PDZD7: variants seen among roughly 807,000 people sequenced by gnomAD.
The protein encoded by PDZD7 is PDZ domain-containing protein 7.
Under a neutral mutation model 84.7 loss-of-function variants are expected in PDZD7, and 72 were observed. That is an observed-to-expected ratio of 0.85 (90% confidence interval 0.70 to 1.03). The LOEUF (loss-of-function observed/expected upper bound fraction) is 1.03, where lower values mean the gene tolerates loss of function less well. Ranked by LOEUF, PDZD7 falls within the 50% of genes least tolerant of loss-of-function variation. The pLI, the probability that PDZD7 is intolerant of heterozygous loss-of-function variation, is 0.00. For missense variants in PDZD7, 1,490 were observed against 1,412.9 expected (o/e 1.05, Z -0.87); for synonymous variants, 594 against 580.7 (o/e 1.02, Z -0.33).
At chr10:101,015,341 C>G (rs1852567446) in intron 11 of PDZD7, among the ~76,000 whole-genome samples, 1 of 152,198 alleles carries the variant, frequency 6.6e-6, no homozygotes, top group South Asian at 2.1e-4. Context: ...CAGCCCACAC[C>G]ATCTAATGTG....
Position 101,019,118 on chromosome 10 carries a change from G to A in PDZD7, c.1028C>T (p.Pro343Leu), listed in dbSNP as rs963223923. 4 of 1,551,520 alleles carry A rather than the reference G, an allele frequency of 2.6e-6. No homozygotes were observed. In the South Asian group the frequency reaches 3.5e-5, roughly 14 times the overall value. Residue 343 changes from proline to leucine, a missense_variant, in exon 8 of 17, where the codon CCG becomes CTG. Physicochemically the swap from Pro to Leu is moderately conservative, Grantham distance 98. Coordinates refer to ENST00000619208, the MANE Select transcript of PDZD7 (RefSeq NM_001195263.2). ...GAGGCAGATGTCCATGCGGTCCGAC[G>A]GCAGGGAGCCCGAGCTGTAGGGGGC... ...SSAPYSSGSLPSDRMDICLGQ... is the reference protein window; with the variant it reads ...SSAPYSSGSLLSDRMDICLGQ...
intron 10 of PDZD7, among the ~76,000 whole-genome samples, chr10:101,016,102 C>T (rs1308641551): frequency 1.3e-5 from 2 of 152,184 alleles, no homozygotes; most frequent in African/African-American, 4.8e-5. Flanking sequence ...AGTGGAGGCC[C>T]AGCACAGGCT....
chr10:101,019,568 C>T (rs1397333375), intron 7 of PDZD7, among the ~76,000 whole-genome samples: 2 of 137,966 alleles, frequency 1.4e-5, no homozygotes, highest in African/African-American at 6.1e-5. Flanking sequence ...CCTCCTCCTC[C>T]TCCTCCTCCT....
At position 101,008,180 on chromosome 10, in the gene PDZD7, C is replaced by G; in HGVS notation, c.*287G>C. On this transcript the variant is annotated 3_prime_UTR_variant, in exon 17 of 17. Transcript: ENST00000619208. ...CATGTGAGAAAGTGCCCACCAATCC[C>G]AAGCTCCAGACCTTGGCTTTCTCAC... 1 of 471,404 alleles carries G rather than the reference C, an allele frequency of 2.1e-6. No homozygotes were observed. Among genetic ancestry groups the G allele is most frequent in the Non-Finnish European group, 3.7e-6 (1 of 267,668 alleles). The allele number at this position is 471,404 out of a possible 1,614,324, so 29.2% of individuals were successfully genotyped here.
intron 9 of PDZD7, chr10:101,017,887 GAAAGAAAA>G (rs1564632596): frequency 1.7e-4 from 34 of 201,800 alleles, no homozygotes; most frequent in South Asian, 4.2e-4. Flanking sequence ...AAGAAAGAAA[GAAAGAAAA>G]GAAAGAAAGA....
rs1852285178 is a variant in PDZD7, at chr10:101,008,330, A to C, written c.*137T>G. On this transcript the variant is annotated 3_prime_UTR_variant, in exon 17 of 17. Coordinates refer to ENST00000619208, the MANE Select transcript of PDZD7 (RefSeq NM_001195263.2). ...CAGCTGAGGAGGGAAGAAAGTGGAA[A>C]GATGTGAGCCACCAGTGTGGCACTG... 6.7e-6 allele frequency: 6 copies of C among 896,976 alleles called. No individual in the cohort carries two copies. In the South Asian group the frequency reaches 1.1e-4, roughly 16 times the overall value. The allele number at this position is 896,976 out of a possible 1,614,324, so 55.6% of individuals were successfully genotyped here.
chr10:101,018,950 G>A lies in PDZD7; in HGVS notation c.1196C>T (p.Ser399Leu). 2 of 1,599,688 alleles carry A rather than the reference G, an allele frequency of 1.3e-6. No individual in the cohort carries two copies. Among genetic ancestry groups the A allele is most frequent in the Non-Finnish European group, 1.7e-6 (2 of 1,173,990 alleles). Residue 399 changes from serine (S) to leucine (L), a missense_variant, in exon 8 of 17, where the codon TCG (serine) becomes TTG (leucine). Coordinates refer to ENST00000619208, the MANE Select transcript of PDZD7 (RefSeq NM_001195263.2). ...GCGGCGGCCGGGATGGGGGCCGTCC[G>A]AGCGGATGGCGGTGTCCCTGAGGAT... Reference protein sequence around the residue: ...TVILRDTAIRSDGPHPGRRLD... With the variant: ...TVILRDTAIRLDGPHPGRRLD...
chr10:101,028,621 G>T (rs933326835), intron 2 of PDZD7, among the ~76,000 whole-genome samples: 1 of 150,858 alleles, frequency 6.6e-6, no homozygotes, highest in Non-Finnish European at 1.5e-5. Context: ...AAAAAAAGAC[G>T]TTATAAACAG....
At chr10:101,024,115 C>G (rs1169850884) in intron 2 of PDZD7, 47 bp from the exon 3 acceptor site, 4 of 1,613,848 alleles carry the variant, frequency 2.5e-6, no homozygotes, top group African/African-American at 1.3e-5. Context: ...ATTGTGGGCA[C>G]AGAGGGCCCC....
At chr10:101,019,329 G>A (rs1374778686) in intron 7 of PDZD7, 112 bp from the exon 8 acceptor site, 1 of 1,365,136 alleles carries the variant, frequency 7.3e-7, no homozygotes, top group Non-Finnish European at 9.9e-7. Flanking sequence ...CAGCAGCCAG[G>A]GTTAGAACCG....
In PDZD7 at chr10:101,019,027, CTCCG is replaced by C; in HGVS notation, c.1115_1118del (p.Thr372SerfsTer66). Reference sequence around the variant, plus strand: ...TCTCCACCCGGCCTCCCGCATCGGGCTCCGTCTGCATGGCTGTGTCCGCCCGCCC... The same window carrying C: ...TCTCCACCCGGCCTCCCGCATCGGGCTCTGCATGGCTGTGTCCGCCCGCCC... On this transcript the variant is annotated frameshift_variant, in exon 8 of 17. Transcript: ENST00000619208. LOFTEE classifies it high-confidence loss of function. The C allele has an allele frequency of 6.4e-7, 1 of 1,573,572 alleles. No individual in the cohort carries two copies. The highest frequency in any genetic ancestry group is 1.3e-5 in the African/African-American group (1 of 74,470).
chr10:101,015,813 TG>T lies in PDZD7; in HGVS notation c.1574-3del. 6.5e-7 allele frequency: 1 copy of T among 1,546,978 alleles called. No individual in the cohort carries two copies. The highest frequency in any genetic ancestry group is 2.4e-5 in the East Asian group (1 of 40,866). On this transcript the variant is annotated splice_polypyrimidine_tract_variant and splice_region_variant and intron_variant, in intron 10 of 16. Coordinates refer to ENST00000619208, the MANE Select transcript of PDZD7 (RefSeq NM_001195263.2). Reference sequence around the variant, plus strand: ...GCAGGGCCCGGCCCCTCTCCTGGTCTGCAGGGCAGGAACCATCAGGGGAGGG... The same window carrying T: ...GCAGGGCCCGGCCCCTCTCCTGGTCTCAGGGCAGGAACCATCAGGGGAGGG...
At chr10:101,017,487 G>T (rs1376240428) in intron 9 of PDZD7, 5 of 608,340 alleles carry the variant, frequency 8.2e-6, no homozygotes, top group Non-Finnish European at 1.5e-5. Context: ...TCAGCTTCCA[G>T]AGTAGTTGGG....
At position 101,010,658 on chromosome 10, in the gene PDZD7, C is replaced by A; in HGVS notation, c.2231G>T (p.Arg744Leu). The A allele has an allele frequency of 7.0e-7, 1 of 1,428,358 alleles. No homozygotes were observed. Among genetic ancestry groups the A allele is most frequent in the Non-Finnish European group, 9.1e-7 (1 of 1,093,532 alleles). 88.5% of individuals were successfully genotyped at this position (1,428,358 alleles called of 1,614,324 possible). The change falls in exon 15 of 17, where the codon CGG (arginine) becomes CTG (leucine). Residue 744 changes from arginine (R) to leucine (L), a missense_variant. Arg to Leu is a moderately radical substitution (Grantham distance 102). Coordinates refer to ENST00000619208, the MANE Select transcript of PDZD7 (RefSeq NM_001195263.2). Reference protein sequence around the residue: ...PPPQLPPVAPRPLRPNWLLTE... With the variant: ...PPPQLPPVAPLPLRPNWLLTE... Reference sequence around the variant, plus strand: ...CAGCAGCCAGTTAGGCCGCAGGGGCCGGGGAGCCACGGGGGGTAGCTGGGG... The same window carrying A: ...CAGCAGCCAGTTAGGCCGCAGGGGCAGGGGAGCCACGGGGGGTAGCTGGGG...
intron 5 of PDZD7, 104 bp downstream of exon 5, chr10:101,022,105 T>C: frequency 4.5e-6 from 7 of 1,553,612 alleles, no homozygotes; most frequent in Non-Finnish European, 6.2e-6. Flanking sequence ...AGACAGGTGG[T>C]TGGCCAGGCC....
At chr10:101,021,071 G>A (rs184690201) in intron 6 of PDZD7, among the ~76,000 whole-genome samples, 2 of 152,284 alleles carry the variant, frequency 1.3e-5, no homozygotes, top group African/African-American at 4.8e-5. Context: ...GCACATAGTG[G>A]GTGCTCAAAA....
intron 2 of PDZD7, among the ~76,000 whole-genome samples, 200 bp from the exon 3 acceptor site, chr10:101,024,268 G>A (rs1014816912): frequency 6.6e-6 from 1 of 152,166 alleles, no homozygotes; most frequent in African/African-American, 2.4e-5. Context: ...TAAAGAAACA[G>A]GGTCTTGCTC....
rs533264287 is a variant in PDZD7 at position 101,030,750 on chromosome 10, G to A, written c.-166+323C>T. ...ATGGCATCACCTCTCTCATGCATAT[G>A]CGGGCATGGAGGTGGCCCGGGGTGG... is the stretch of plus-strand genomic sequence containing the variant. On this transcript the variant is annotated intron_variant, in intron 1 of 16. Coordinates refer to ENST00000619208, the MANE Select transcript of PDZD7 (RefSeq NM_001195263.2). 600 of 180,224 alleles carry A rather than the reference G, an allele frequency of 3.3e-3. 3 individuals are homozygous for A. Among genetic ancestry groups the A allele is most frequent in the Non-Finnish European group, 5.7e-3 (473 of 83,490 alleles). 11.2% of individuals were successfully genotyped at this position (180,224 alleles called of 1,614,324 possible). A position where few individuals can be genotyped will look rare whatever the true frequency, so the allele number is the denominator to read the frequency against.
rs1395463483 is a variant in PDZD7 at position 101,008,287 on chromosome 10, A to G, written c.*180T>C. The G allele has an allele frequency of 1.4e-6, 1 of 701,652 alleles. No individual in the cohort carries two copies. Among genetic ancestry groups the G allele is most frequent in the Non-Finnish European group, 2.3e-6 (1 of 435,716 alleles). 43.5% of individuals were successfully genotyped at this position (701,652 alleles called of 1,614,324 possible). On this transcript the variant is annotated 3_prime_UTR_variant, in exon 17 of 17. Transcript: ENST00000619208. ...CACTAGCACCTTGTCCTTGGACACTAAGGCAGAGCCTTAATGACAGCTGAG... is the reference window on the plus strand; with the variant it reads ...CACTAGCACCTTGTCCTTGGACACTGAGGCAGAGCCTTAATGACAGCTGAG...
Sources: gnomAD v4.1 joint callset for allele counts (sites outside exome capture counted in the v4.1 genomes callset) on GRCh38, gnomAD v4.1.1 for gene constraint, MANE v1.5 for transcripts, NCBI Gene and HGNC (gene_info 2026-07-23, HGNC 2026-07-21) for gene names.